SRPK2: variants seen among roughly 807,000 people sequenced by gnomAD.
SRPK2 encodes the protein SFRS protein kinase 2.
Under a neutral mutation model 90.8 loss-of-function variants are expected in SRPK2, and 21 were observed. That is an observed-to-expected ratio of 0.23 (90% CI 0.16 to 0.33). The LOEUF (loss-of-function observed/expected upper bound fraction) is 0.33. SRPK2 is among the 10% of genes least tolerant of loss of function. The probability of loss-of-function intolerance (pLI) is 1.00; values close to 1 mark genes in which losing one functional copy is unlikely to be tolerated. For synonymous variants in SRPK2, 288 were observed against 311.1 expected (o/e 0.93, Z 0.78); for missense variants, 620 against 869.0 (o/e 0.71, Z 3.60).
intron 2 of SRPK2, among the ~76,000 whole-genome samples, chr7:105,345,884 C>G (rs1816392506): frequency 6.6e-6 from 1 of 152,244 alleles, no homozygotes; most frequent in Non-Finnish European, 1.5e-5. Flanking sequence ...CTTCACATGG[C>G]CAAGGGCCAG....
intron 2 of SRPK2, among the ~76,000 whole-genome samples, chr7:105,285,987 TATA>T (rs1808051798): frequency 6.6e-6 from 1 of 152,216 alleles, no homozygotes; most frequent in South Asian, 2.1e-4. Context: ...TTGCTTTACA[TATA>T]ATAATTCTGT....
chr7:105,307,730 C>G lies in SRPK2; in HGVS notation c.71+80918G>C, dbSNP rs190390408. Among the ~76,000 whole-genome samples, 574 of 152,216 alleles carry G rather than the reference C, an allele frequency of 3.8e-3. 3 individuals are homozygous for G. The highest frequency in any genetic ancestry group is 0.013 in the African/African-American group (540 of 41,548). ...AGACTGTGGGTGGGGTTTTTTCCCC[C>G]TTATTTCCACATTTTTGAATTTCCT... On this transcript the variant is annotated intron_variant, in intron 2 of 15. Transcript: ENST00000393651.
rs149496431 is a variant in SRPK2, at chr7:105,254,750, T to C, written c.72-50965A>G. Among the ~76,000 whole-genome samples the C allele has an allele frequency of 2.8e-3, 423 of 152,044 alleles. 11 individuals carry two copies. In the East Asian group the frequency reaches 0.054, roughly 20 times the overall value. ...CGTCACCCAGGCTGGAGTGCAGTGG[T>C]GTGGTCTTGGCTCGCTGTAGCCTTT... On this transcript the variant is annotated intron_variant, in intron 2 of 15. Transcript: ENST00000393651.
In SRPK2 at chr7:105,203,504, G is replaced by T. The variant is rs376277144; in HGVS notation, c.229+124C>A. 3 of 1,034,044 alleles carry T rather than the reference G, an allele frequency of 2.9e-6. No individual in the cohort carries two copies. The African/African-American group carries it at 5.0e-5, about 17-fold the overall frequency. The allele number at this position is 1,034,044 out of a possible 1,614,324, so 64.1% of individuals were successfully genotyped here. ...ATTTAAAATGATAATGACACAAGGAGGCTAATTTAATGAAGACCAAGCAAT... is the reference window on the plus strand; with the variant it reads ...ATTTAAAATGATAATGACACAAGGATGCTAATTTAATGAAGACCAAGCAAT... On this transcript the variant is annotated intron_variant, in intron 3 of 15. Coordinates refer to ENST00000393651, the MANE Select transcript of SRPK2 (RefSeq NM_182692.3).
chr7:105,158,052 A>G (rs1002930687), intron 7 of SRPK2, among the ~76,000 whole-genome samples: 1 of 152,126 alleles, frequency 6.6e-6, no homozygotes, highest in Non-Finnish European at 1.5e-5. Context: ...GTAACAGAGG[A>G]AGACCCTGTC....
chr7:105,303,092 G>A (rs567305470), intron 2 of SRPK2, among the ~76,000 whole-genome samples: 1 of 151,954 alleles, frequency 6.6e-6, no homozygotes, highest in African/African-American at 2.4e-5. Context: ...AGGTGGGGGG[G>A]AGAAAATGTG....
At chr7:105,126,952 G>A (rs1184941774) in intron 14 of SRPK2, 41 bp downstream of exon 14, 2 of 1,598,806 alleles carry the variant, frequency 1.3e-6, no homozygotes, top group East Asian at 2.2e-5. Context: ...AGGGCTGGCA[G>A]AAGACCTAGA....
chr7:105,307,962 G>C (rs974081826), intron 2 of SRPK2, among the ~76,000 whole-genome samples: 5 of 152,182 alleles, frequency 3.3e-5, no homozygotes, highest in African/African-American at 1.2e-4. Context: ...TATCTCCTAA[G>C]ATTGTGGTGA....
chr7:105,287,592 C>G (rs2130941789), intron 2 of SRPK2, among the ~76,000 whole-genome samples: 1 of 151,950 alleles, frequency 6.6e-6, no homozygotes, highest in Admixed American at 6.6e-5. Context: ...AAAAATTTGC[C>G]AGGTGTGGTG....
chr7:105,146,760 T>A (rs939144785), intron 7 of SRPK2, 102 bp from the exon 8 acceptor site: 7 of 1,220,624 alleles, frequency 5.7e-6, no homozygotes, highest in East Asian at 2.6e-5. Flanking sequence ...GGTACAAAGT[T>A]TGATAAACAC....
intron 3 of SRPK2, among the ~76,000 whole-genome samples, chr7:105,179,962 C>A (rs1343640542): frequency 6.6e-6 from 1 of 151,958 alleles, no homozygotes; most frequent in Non-Finnish European, 1.5e-5. Flanking sequence ...ACAGTCCATG[C>A]CCATGGACAG....
At chr7:105,316,623 G>A (rs538297756) in intron 2 of SRPK2, among the ~76,000 whole-genome samples, 1 of 152,106 alleles carries the variant, frequency 6.6e-6, no homozygotes, top group Admixed American at 6.5e-5. Flanking sequence ...TTCTAATGAG[G>A]AATTCCTACT....
chr7:105,331,747 A>G (rs562309609), intron 2 of SRPK2, among the ~76,000 whole-genome samples: 2 of 152,310 alleles, frequency 1.3e-5, no homozygotes, highest in South Asian at 2.1e-4. Flanking sequence ...GTTGCAATAA[A>G]TAAGTACTAG....
At chr7:105,222,819 T>C (rs1798262557) in intron 2 of SRPK2, among the ~76,000 whole-genome samples, 1 of 152,196 alleles carries the variant, frequency 6.6e-6, no homozygotes, top group South Asian at 2.1e-4. Context: ...ATATGGCCTC[T>C]GACCTCATGG....
intron 2 of SRPK2, among the ~76,000 whole-genome samples, chr7:105,214,183 A>G (rs890953978): frequency 6.6e-5 from 10 of 152,250 alleles, no homozygotes; most frequent in African/African-American, 2.4e-4. Context: ...TATATTGGAC[A>G]GTAATGCTGC....
At position 105,283,592 on chromosome 7, in the gene SRPK2, A is replaced by G. The variant is rs891785553; in HGVS notation, c.72-79807T>C. Among the ~76,000 whole-genome samples, 6 of 151,420 alleles carry G rather than the reference A, an allele frequency of 4.0e-5. No individual in the cohort carries two copies. The East Asian group carries it at 7.8e-4, about 20-fold the overall frequency. ...AATCCATCAACACAGAAAGTAGATT[A>G]GTGATTGCGGGTAGGGCAGGGTGGG... On this transcript the variant is annotated intron_variant, in intron 2 of 15. Coordinates refer to ENST00000393651, the MANE Select transcript of SRPK2 (RefSeq NM_182692.3).
intron 2 of SRPK2, among the ~76,000 whole-genome samples, chr7:105,313,506 T>C (rs902688183): frequency 1.3e-5 from 2 of 151,056 alleles, no homozygotes; most frequent in Non-Finnish European, 2.9e-5. Context: ...TCCCAGCACT[T>C]TGGGAGGCCG....
chr7:105,178,837 C>T (rs993147764), intron 3 of SRPK2, among the ~76,000 whole-genome samples: 12 of 152,012 alleles, frequency 7.9e-5, no homozygotes, highest in African/African-American at 2.9e-4. Context: ...CAAGTAACAA[C>T]AAAAATTACT....
intron 2 of SRPK2, among the ~76,000 whole-genome samples, chr7:105,364,382 T>A (rs1163903302): frequency 6.6e-6 from 1 of 151,104 alleles, no homozygotes; most frequent in Non-Finnish European, 1.5e-5. Context: ...TGAAAAGCCT[T>A]TCCATAGCAT....
Sources: gnomAD v4.1 joint callset for allele counts (sites outside exome capture counted in the v4.1 genomes callset) on GRCh38, gnomAD v4.1.1 for gene constraint, MANE v1.5 for transcripts, NCBI Gene and HGNC (gene_info 2026-07-23, HGNC 2026-07-21) for gene names.